FHOD3: variants seen among roughly 807,000 people sequenced by gnomAD.
FHOD3 encodes FH1/FH2 domain-containing protein 3.
FHOD3 carries 90 observed loss-of-function variants against 173.0 expected under a neutral mutation model. The observed-to-expected ratio is 0.52, with a 90% CI of 0.44 to 0.62. The LOEUF is 0.62. Ranked by LOEUF, FHOD3 falls within the 20% of genes least tolerant of loss-of-function variation. FHOD3 has a pLI of 0.00. For missense variants in FHOD3, 1,945 were observed against 2,034.7 expected (o/e 0.96, Z 0.85); for synonymous variants, 828 against 823.0 (o/e 1.01, Z -0.10).
At chr18:36,376,597 A>G (rs2047449915) in intron 3 of FHOD3, among the ~76,000 whole-genome samples, 1 of 152,214 alleles carries the variant, frequency 6.6e-6, no homozygotes, top group Non-Finnish European at 1.5e-5. Context: ...GAAGCAACTG[A>G]TCTCTGCATA....
In FHOD3 at chr18:36,557,108, A is replaced by G. The variant is rs575592165; in HGVS notation, c.512-19343A>G. On this transcript the variant is annotated intron_variant, in intron 5 of 28. Transcript: ENST00000590592. ...TCTTCTGTATCAATGGTTTTCATCA[A>G]TTTGATTATGAGCTGAATTGATATG... 1.7e-4 allele frequency among the ~76,000 whole-genome samples: 26 copies of G among 152,208 alleles called. No individual in the cohort carries two copies. The South Asian group carries it at 3.9e-3, about 23-fold the overall frequency.
chr18:36,451,799 C>T (rs566114492), intron 3 of FHOD3, among the ~76,000 whole-genome samples: 3 of 152,280 alleles, frequency 2.0e-5, no homozygotes, highest in Non-Finnish European at 2.9e-5. Context: ...TCCCATCCTG[C>T]GTGGAGCTCC....
Position 36,527,985 on chromosome 18 carries a change from G to C in FHOD3, c.511+15442G>C, listed in dbSNP as rs191082458. On this transcript the variant is annotated intron_variant, in intron 5 of 28. Coordinates refer to ENST00000590592, the MANE Select transcript of FHOD3 (RefSeq NM_001281740.3). The stretch of plus-strand genomic sequence containing the variant: ...TCTCTGCATGTGACCTTCCCTCACA[G>C]AGTATCCATAACCATTTGCCCCTTG... 1.8e-4 allele frequency among the ~76,000 whole-genome samples: 28 copies of C among 152,250 alleles called. No homozygotes were observed. In the East Asian group the frequency reaches 5.4e-3, roughly 29 times the overall value.
chr18:36,349,429 C>T (rs962924586), intron 1 of FHOD3, among the ~76,000 whole-genome samples: 25 of 152,140 alleles, frequency 1.6e-4, no homozygotes, highest in Admixed American at 1.2e-3. Context: ...GATGGGGGAA[C>T]CAATGAAGTG....
At chr18:36,491,267 A>G (rs2054456226) in intron 3 of FHOD3, among the ~76,000 whole-genome samples, 1 of 152,206 alleles carries the variant, frequency 6.6e-6, no homozygotes, top group Admixed American at 6.5e-5. Context: ...CATTTTGGGA[A>G]AGAGTAGTTT....
intron 3 of FHOD3, among the ~76,000 whole-genome samples, chr18:36,467,871 T>C (rs1449359829): frequency 1.3e-5 from 2 of 152,242 alleles, no homozygotes; most frequent in Non-Finnish European, 1.5e-5. Context: ...CCAGGCGTTC[T>C]GCGGGTAAGT....
intron 24 of FHOD3, among the ~76,000 whole-genome samples, chr18:36,754,079 T>G (rs542452391): frequency 6.6e-6 from 1 of 152,346 alleles, no homozygotes; most frequent in South Asian, 2.1e-4. Context: ...CACTTCTGCT[T>G]TGGGTATCAT....
intron 27 of FHOD3, among the ~76,000 whole-genome samples, chr18:36,764,580 T>A (rs921263072): frequency 1.3e-5 from 2 of 152,044 alleles, no homozygotes; most frequent in South Asian, 4.2e-4. Flanking sequence ...GGGGTGGATC[T>A]CAGTAATAGA....
At chr18:36,562,550 A>C (rs886356543) in intron 5 of FHOD3, among the ~76,000 whole-genome samples, 1 of 152,206 alleles carries the variant, frequency 6.6e-6, no homozygotes, top group African/African-American at 2.4e-5. Context: ...TGCCATTTCC[A>C]GCCATTTGGA....
intron 5 of FHOD3, among the ~76,000 whole-genome samples, chr18:36,517,578 G>A (rs557172992): frequency 6.6e-6 from 1 of 152,268 alleles, no homozygotes; most frequent in South Asian, 2.1e-4. Flanking sequence ...TGCCTCTTCG[G>A]GCTAGCTTTA....
intron 27 of FHOD3, among the ~76,000 whole-genome samples, chr18:36,761,892 T>C (rs563715579): frequency 1.3e-5 from 2 of 152,268 alleles, no homozygotes; most frequent in African/African-American, 4.8e-5. Context: ...GTAATTATGC[T>C]GGGAGAGCAA....
chr18:36,556,007 A>T (rs920762705), intron 5 of FHOD3, among the ~76,000 whole-genome samples: 18 of 151,964 alleles, frequency 1.2e-4, no homozygotes. Flanking sequence ...TTTTAAATTG[A>T]TCTGTTTAGA....
At chr18:36,440,713 CATA>C (rs1319343417) in intron 3 of FHOD3, among the ~76,000 whole-genome samples, 1 of 152,224 alleles carries the variant, frequency 6.6e-6, no homozygotes, top group Non-Finnish European at 1.5e-5. Context: ...AAACCCAATA[CATA>C]ATAAACTCTA....
intron 3 of FHOD3, among the ~76,000 whole-genome samples, chr18:36,501,183 C>T (rs895988903): frequency 1.3e-5 from 2 of 152,226 alleles, no homozygotes; most frequent in African/African-American, 4.8e-5. Flanking sequence ...CCCAAGTCTT[C>T]AGCCAGAGAA....
intron 17 of FHOD3, among the ~76,000 whole-genome samples, chr18:36,696,816 G>T (rs1294405939): frequency 6.6e-6 from 1 of 152,166 alleles, no homozygotes; most frequent in Non-Finnish European, 1.5e-5. Context: ...ACACGCTCCT[G>T]TTTGCACTGT....
At position 36,730,754 on chromosome 18, in the gene FHOD3, A is replaced by G. The variant is rs1223906302; in HGVS notation, c.3526A>G (p.Ile1176Val). 6.2e-7 allele frequency: 1 copy of G among 1,614,044 alleles called. No homozygotes were observed. The highest frequency in any genetic ancestry group is 8.5e-7 in the Non-Finnish European group (1 of 1,180,034). ...TVLPPPRTIK[I>V]AILNFDEYAL... ...GCTGCCCCCTCCAAGGACGATTAAG[A>G]TCGCCATTTTGAATTTTGATGAGTA... Residue 1176 changes from isoleucine (I) to valine (V), a missense_variant, in exon 20 of 29, where the codon ATC becomes GTC. Ile to Val is a conservative substitution (Grantham distance 29). Coordinates refer to ENST00000590592, the MANE Select transcript of FHOD3 (RefSeq NM_001281740.3).
At chr18:36,738,612 C>T (rs993353578) in intron 20 of FHOD3, among the ~76,000 whole-genome samples, 8 of 152,232 alleles carry the variant, frequency 5.3e-5, no homozygotes, top group South Asian at 4.1e-4. Context: ...AGTTTGTTTA[C>T]GTATAGTGTA....
At chr18:36,500,508 G>A (rs1039360880) in intron 3 of FHOD3, among the ~76,000 whole-genome samples, 3 of 152,154 alleles carry the variant, frequency 2.0e-5, no homozygotes, top group Admixed American at 6.5e-5. Flanking sequence ...GGCCAATGAC[G>A]TGACATTGTT....
chr18:36,593,893 A>G (rs190245795), intron 6 of FHOD3, among the ~76,000 whole-genome samples: 189 of 152,268 alleles, frequency 1.2e-3, no homozygotes, highest in African/African-American at 4.4e-3. Flanking sequence ...GCCCGAGGCA[A>G]CCTTGCTGTT....
Sources: allele counts gnomAD v4.1 joint callset (sites outside exome capture counted in the v4.1 genomes callset), GRCh38; gene constraint gnomAD v4.1.1; transcripts MANE v1.5; gene names NCBI Gene and HGNC (gene_info 2026-07-23, HGNC 2026-07-21).